TENM4: variants seen among roughly 807,000 people sequenced by gnomAD.
TENM4 encodes teneurin-4.
Under a neutral mutation model 243.3 loss-of-function variants are expected in TENM4, and 82 were observed. The observed-to-expected ratio is 0.34, with a 90% CI of 0.28 to 0.40. The LOEUF is 0.40. Ranked by LOEUF, TENM4 falls within the 10% of genes least tolerant of loss-of-function variation. TENM4 has a pLI of 1.00. For missense variants in TENM4, 3,138 were observed against 3,673.3 expected (o/e 0.85, Z 3.77); for synonymous variants, 1,412 against 1,456.3 (o/e 0.97, Z 0.69).
intron 3 of TENM4, among the ~76,000 whole-genome samples, chr11:79,210,337 G>A (rs1863932881): frequency 6.6e-6 from 1 of 152,132 alleles, no homozygotes; most frequent in South Asian, 2.1e-4. Flanking sequence ...ACGAAAGCAG[G>A]GATTATGGAT....
At chr11:79,001,477 A>AC (rs61460550) in intron 6 of TENM4, among the ~76,000 whole-genome samples, 30,331 of 151,090 alleles carry the variant, frequency 0.2, 3,225 homozygotes, top group Middle Eastern at 0.29. Flanking sequence ...GCAGCAGGAG[A>AC]CCCCCCCCAA....
At chr11:79,096,990 C>T (rs781575245) in intron 4 of TENM4, 4 of 152,170 alleles carry the variant, frequency 2.6e-5, no homozygotes, top group Non-Finnish European at 4.4e-5. Flanking sequence ...TGTAGAAGTA[C>T]ACAAACCTGA....
intron 1 of TENM4, among the ~76,000 whole-genome samples, chr11:79,398,248 A>G (rs150394428): frequency 1.3e-5 from 2 of 151,848 alleles, no homozygotes; most frequent in Non-Finnish European, 1.5e-5. Context: ...ATGAGTTCAA[A>G]ATAGAATCCA....
intron 1 of TENM4, among the ~76,000 whole-genome samples, chr11:79,339,557 T>C (rs2135458253): frequency 7.3e-6 from 1 of 137,564 alleles, no homozygotes; most frequent in South Asian, 2.8e-4. Context: ...TATGGAATCC[T>C]CATCATCCCA....
rs978479126 is a variant in TENM4, at chr11:78,861,926, G to C, written c.1255+1036C>G. On this transcript the variant is annotated intron_variant, in intron 10 of 33. Coordinates refer to ENST00000278550, the MANE Select transcript of TENM4 (RefSeq NM_001098816.3). ...CCACACTGCCCAGAATGACAACCAG[G>C]CTGGGTTATTAGCTCAGACATCTTT... Among the ~76,000 whole-genome samples, 25 of 152,322 alleles carry C rather than the reference G, an allele frequency of 1.6e-4. No individual in the cohort carries two copies. In the South Asian group the frequency reaches 3.5e-3, roughly 21 times the overall value.
At chr11:79,422,609 T>C (rs944758522) in intron 1 of TENM4, among the ~76,000 whole-genome samples, 1 of 152,190 alleles carries the variant, frequency 6.6e-6, no homozygotes, top group African/African-American at 2.4e-5. Flanking sequence ...AGAAACTCGC[T>C]GGAGAGGCCA....
At chr11:78,855,904 G>T in intron 11 of TENM4, 60 bp downstream of exon 11, 1 of 1,476,382 alleles carries the variant, frequency 6.8e-7, no homozygotes, top group Non-Finnish European at 9.2e-7. Flanking sequence ...TCTTAACTTT[G>T]GGTTAAGATT....
chr11:78,845,890 G>T (rs1007058294), intron 12 of TENM4, among the ~76,000 whole-genome samples: 6 of 152,138 alleles, frequency 3.9e-5, no homozygotes, highest in Admixed American at 3.3e-4. Context: ...TAGGAGCAGG[G>T]GTTCCTTCAA....
chr11:78,963,601 G>C (rs186872883), intron 6 of TENM4, among the ~76,000 whole-genome samples: 70 of 152,270 alleles, frequency 4.6e-4, no homozygotes, highest in African/African-American at 1.6e-3. Flanking sequence ...GGGCTCTAAG[G>C]GGGAGGTGGC....
chr11:79,311,820 C>T (rs866115256), intron 1 of TENM4, among the ~76,000 whole-genome samples: 1 of 152,188 alleles, frequency 6.6e-6, no homozygotes, highest in African/African-American at 2.4e-5. Flanking sequence ...AGGTTCTACC[C>T]CTGCCCACCT....
At chr11:79,042,569 C>T (rs1859563070) in intron 6 of TENM4, among the ~76,000 whole-genome samples, 1 of 152,184 alleles carries the variant, frequency 6.6e-6, no homozygotes, top group Non-Finnish European at 1.5e-5. Flanking sequence ...TCTGTTGGTG[C>T]CTTGATCTTG....
chr11:79,394,065 G>T (rs376206790), intron 1 of TENM4, among the ~76,000 whole-genome samples: 1 of 152,168 alleles, frequency 6.6e-6, no homozygotes, highest in Non-Finnish European at 1.5e-5. Flanking sequence ...CTTGGAATGA[G>T]GTACAGTGAA....
At chr11:78,876,875 T>C (rs915225890) in intron 9 of TENM4, among the ~76,000 whole-genome samples, 3 of 152,254 alleles carry the variant, frequency 2.0e-5, no homozygotes, top group Non-Finnish European at 4.4e-5. Context: ...TCTTGGCTGC[T>C]AAACCTGAAA....
chr11:78,749,508 G>A (rs768622801), intron 19 of TENM4, among the ~76,000 whole-genome samples: 44 of 152,074 alleles, frequency 2.9e-4, no homozygotes, highest in Admixed American at 1.3e-4. Context: ...TCTGCTGCTC[G>A]CCCTCTTGAG....
intron 28 of TENM4, among the ~76,000 whole-genome samples, chr11:78,698,374 G>A (rs1046856099): frequency 2.6e-5 from 4 of 151,338 alleles, no homozygotes; most frequent in Non-Finnish European, 5.9e-5. Context: ...GCAACAGAGC[G>A]AGACTCCATT....
At chr11:79,232,985 T>A (rs922396149) in intron 2 of TENM4, among the ~76,000 whole-genome samples, 1 of 152,236 alleles carries the variant, frequency 6.6e-6, no homozygotes, top group African/African-American at 2.4e-5. Context: ...GTTTGGTCTC[T>A]GCCTTGCCAG....
intron 6 of TENM4, among the ~76,000 whole-genome samples, chr11:78,990,745 C>G (rs1212559384): frequency 6.6e-6 from 1 of 151,904 alleles, no homozygotes; most frequent in Non-Finnish European, 1.5e-5. Context: ...CATTTTACAC[C>G]CTTTAGCAGC....
intron 6 of TENM4, among the ~76,000 whole-genome samples, chr11:78,976,736 G>A (rs554057809): frequency 1.2e-4 from 19 of 152,250 alleles, no homozygotes; most frequent in African/African-American, 4.1e-4. Flanking sequence ...TGAGTGACCA[G>A]GTCTGGTTCT....
chr11:78,864,399 A>T (rs1471048659), intron 9 of TENM4, among the ~76,000 whole-genome samples: 3 of 121,450 alleles, frequency 2.5e-5, no homozygotes, highest in African/African-American at 6.8e-5. Flanking sequence ...CCGCCACTGC[A>T]CTCCAGCCTG....
Sources: gnomAD v4.1 joint callset for allele counts (sites outside exome capture counted in the v4.1 genomes callset) on GRCh38, gnomAD v4.1.1 for gene constraint, MANE v1.5 for transcripts, NCBI Gene and HGNC (gene_info 2026-07-23, HGNC 2026-07-21) for gene names.